Variants in DUOX1 observed in about 807,000 individuals in gnomAD.
DUOX1 encodes the protein NADPH thyroid oxidase 1.
In DUOX1, 134 loss-of-function variants were observed where a neutral mutation model predicts 181.8. The ratio of observed to expected loss-of-function variants is 0.74; its 90% confidence interval spans 0.64 to 0.85. The LOEUF (loss-of-function observed/expected upper bound fraction) is 0.85, where lower values mean the gene tolerates loss of function less well. Among genes scored for constraint, DUOX1 ranks in the 40% least tolerant of loss-of-function variants. The probability of loss-of-function intolerance (pLI) is 0.00; values close to 1 mark genes in which losing one functional copy is unlikely to be tolerated. For missense variants in DUOX1, 1,814 were observed against 2,064.4 expected (o/e 0.88, Z 2.35); for synonymous variants, 798 against 832.5 (o/e 0.96, Z 0.71).
intron 15 of DUOX1, 103 bp downstream of exon 15, chr15:45,142,215 A>G: frequency 7.5e-7 from 1 of 1,331,624 alleles, no homozygotes; most frequent in Non-Finnish European, 1.0e-6. Flanking sequence ...CACACAGAGC[A>G]TGGTCCCTTT....
rs754996307 is a variant in DUOX1 at position 45,145,105 on chromosome 15, C to G, written c.2322+25C>G. 1.5e-5 allele frequency: 24 copies of G among 1,556,372 alleles called. No individual in the cohort carries two copies. The Admixed American group carries it at 1.5e-4, about 10-fold the overall frequency. ...GGTGTGTACATGGGACCAGATCAAT[C>G]CTTATGCTGTGGTGGTGTCCTTACC... On this transcript the variant is annotated intron_variant, in intron 18 of 33. Coordinates refer to ENST00000389037, the MANE Select transcript of DUOX1 (RefSeq NM_175940.3).
chr15:45,138,105 T>TGTGTGA (rs951558415), intron 10 of DUOX1, 91 bp downstream of exon 10: 11 of 1,023,638 alleles, frequency 1.1e-5, no homozygotes, highest in South Asian at 4.3e-5. Flanking sequence ...TGTGTGTGTG[T>TGTGTGA]GAGTGCATGG....
intron 14 of DUOX1, 98 bp from the exon 15 acceptor site, chr15:45,141,877 T>C (rs1333720487): frequency 1.4e-6 from 2 of 1,400,084 alleles, no homozygotes; most frequent in African/African-American, 1.4e-5. Flanking sequence ...CTACCCAGAG[T>C]GCCCCCACCC....
At chr15:45,148,112 T>C (rs1355026476) in intron 20 of DUOX1, 115 bp downstream of exon 20, 6 of 1,426,092 alleles carry the variant, frequency 4.2e-6, no homozygotes, top group East Asian at 4.6e-5. Context: ...TCCTTACCCA[T>C]GTAACCAGAG....
At chr15:45,152,233 G>A in intron 24 of DUOX1, 53 bp from the exon 25 acceptor site, 2 of 1,544,760 alleles carry the variant, frequency 1.3e-6, no homozygotes, top group Non-Finnish European at 1.8e-6. Flanking sequence ...CCCCTAACCA[G>A]CTCTCTGTCC....
Position 45,144,990 on chromosome 15 carries a change from G to A in DUOX1, c.2232G>A (p.Glu744=), listed in dbSNP as rs780786500. Residue 744 remains glutamate, a synonymous_variant, in exon 18 of 34, where the codon GAG becomes GAA. Transcript: ENST00000389037. The stretch of plus-strand genomic sequence containing the variant: ...GCGGGTTGAGCATCCAGGAGTGGGA[G>A]CTGCGGGAGCAGGAGCTGATGAGAG... ...KESGLSIQEW[E]LREQELMRAA... is the part of the protein sequence containing the mutation. The A allele has an allele frequency of 1.4e-5, 22 of 1,614,046 alleles. No homozygotes were observed. The highest frequency in any genetic ancestry group is 1.9e-5 in the Non-Finnish European group (22 of 1,180,022).
intron 1 of DUOX1, among the ~76,000 whole-genome samples, chr15:45,130,561 C>G (rs1308575998): frequency 6.6e-6 from 1 of 152,236 alleles, no homozygotes; most frequent in Non-Finnish European, 1.5e-5. Flanking sequence ...TGTGTTCTCT[C>G]TCTGGTTCTG....
rs1466381281 is a variant in DUOX1, at chr15:45,147,607, G to A, written c.2497G>A (p.Gly833Ser). The stretch of plus-strand genomic sequence containing the variant: ...CTCTCTGGCTGACAAGGATGGCAAT[G>A]GCTACCTGTCCTTCCGAGAGTTCCT... Reference protein sequence around the residue: ...MFSLADKDGNGYLSFREFLDI... With the variant: ...MFSLADKDGNSYLSFREFLDI... Residue 833 changes from glycine to serine, a missense_variant, in exon 19 of 34, where the codon GGC becomes AGC. Physicochemically the swap from Gly to Ser is moderately conservative, Grantham distance 56. Transcript: ENST00000389037. 6.2e-7 allele frequency: 1 copy of A among 1,614,082 alleles called. No individual in the cohort carries two copies. The highest frequency in any genetic ancestry group is 2.2e-5 in the East Asian group (1 of 44,894).
intron 9 of DUOX1, 111 bp downstream of exon 9, chr15:45,136,736 A>C: frequency 1.0e-6 from 1 of 976,930 alleles, no homozygotes; most frequent in African/African-American, 1.6e-5. Context: ...AGTGTCCCCA[A>C]GGGAAAGACC....
Position 45,163,870 on chromosome 15 carries a change from T to TC in DUOX1, c.4491dup (p.Phe1498LeufsTer2). 6.2e-7 allele frequency: 1 copy of TC among 1,613,868 alleles called. No individual in the cohort carries two copies. Among genetic ancestry groups the TC allele is most frequent in the Non-Finnish European group, 8.5e-7 (1 of 1,179,948 alleles). Reference sequence around the variant, plus strand: ...TGCGCTCCATCACCCACTTTGGCCGTCCCCCCTTTGAGCCCTTCTTCAACT... The same window carrying TC: ...TGCGCTCCATCACCCACTTTGGCCGTCCCCCCCTTTGAGCCCTTCTTCAACT... On this transcript the variant is annotated frameshift_variant, in exon 33 of 34. Coordinates refer to ENST00000389037, the MANE Select transcript of DUOX1 (RefSeq NM_175940.3). LOFTEE classifies it high-confidence loss of function.
In DUOX1 at chr15:45,141,416, T is replaced by A. The variant is rs755465916; in HGVS notation, c.1684+6T>A. 6 of 1,613,970 alleles carry A rather than the reference T, an allele frequency of 3.7e-6. No homozygotes were observed. The highest frequency in any genetic ancestry group is 8.5e-7 in the Non-Finnish European group (1 of 1,179,970). On this transcript the variant is annotated splice_donor_region_variant and intron_variant, in intron 14 of 33. Coordinates refer to ENST00000389037, the MANE Select transcript of DUOX1 (RefSeq NM_175940.3). ...TGTCTTTGTCTGGCATAAAGGTGAG[T>A]GGCCAAGGGGTGGCTGGAGGAGTGG...
chr15:45,147,523 G>A lies in DUOX1; in HGVS notation c.2413G>A (p.Ala805Thr). ...REALTCELSR[A>T]EFAESLGLKP... ...GGCCCTGACCTGTGAGCTGAGCAGG[G>A]CCGAGTTTGCCGAGTCCCTGGGCCT... is the stretch of plus-strand genomic sequence containing the variant. The change falls in exon 19 of 34, where the codon GCC becomes ACC. Residue 805 changes from alanine to threonine, a missense_variant. By Grantham distance (58) the Ala-to-Thr change is moderately conservative. Around this residue, in one of 5 missense-constraint regions of DUOX1, gnomAD observed 1,064 missense variants for 1,152.9 expected, o/e 0.92. Coordinates refer to ENST00000389037, the MANE Select transcript of DUOX1 (RefSeq NM_175940.3). 1.2e-6 allele frequency: 2 copies of A among 1,614,048 alleles called. No individual in the cohort carries two copies. The highest frequency in any genetic ancestry group is 1.7e-6 in the Non-Finnish European group (2 of 1,179,974).
In DUOX1 at chr15:45,164,921, G is replaced by C; in HGVS notation, c.*20G>C. 1 of 1,613,402 alleles carries C rather than the reference G, an allele frequency of 6.2e-7. No individual in the cohort carries two copies. Among genetic ancestry groups the C allele is most frequent in the East Asian group, 2.2e-5 (1 of 44,862 alleles). The stretch of plus-strand genomic sequence containing the variant: ...TTCTAGGCCCCTGCCCGGGGGTTCT[G>C]CCCACTGCCCAGTTGAGCAGAGGTT... On this transcript the variant is annotated 3_prime_UTR_variant, in exon 34 of 34. Transcript: ENST00000389037.
intron 28 of DUOX1, among the ~76,000 whole-genome samples, chr15:45,159,802 C>A (rs1351907141): frequency 6.6e-6 from 1 of 152,166 alleles, no homozygotes; most frequent in African/African-American, 2.4e-5. Flanking sequence ...GGCAAACAGT[C>A]CCTACCCCTT....
At position 45,164,868 on chromosome 15, in the gene DUOX1, G is replaced by T; in HGVS notation, c.4623G>T (p.Arg1541=). 6.2e-7 allele frequency: 1 copy of T among 1,614,178 alleles called. No individual in the cohort carries two copies. Among genetic ancestry groups the T allele is most frequent in the Non-Finnish European group, 8.5e-7 (1 of 1,180,006 alleles). Residue 1541 remains arginine (R), a synonymous_variant, in exon 34 of 34, where the codon CGG becomes CGT. Coordinates refer to ENST00000389037, the MANE Select transcript of DUOX1 (RefSeq NM_175940.3). ...KACQLINRQD[R]THFSHHYENF ...GTCAGCTCATCAACAGGCAGGACCG[G>T]ACTCACTTCTCCCACCATTATGAGA...
chr15:45,144,679 G>A (rs1023339961), intron 17 of DUOX1, among the ~76,000 whole-genome samples: 2 of 152,228 alleles, frequency 1.3e-5, no homozygotes, highest in African/African-American at 4.8e-5. Context: ...ATGGAATAGA[G>A]GGAAGAATGT....
intron 9 of DUOX1, among the ~76,000 whole-genome samples, chr15:45,136,853 C>CT (rs371348690): frequency 4.6e-5 from 7 of 151,768 alleles, no homozygotes; most frequent in African/African-American, 1.7e-4. Flanking sequence ...CCCTCCCCCC[C>CT]ACCATTAAAT....
Position 45,163,556 on chromosome 15 carries a change from A to G in DUOX1, c.4273A>G (p.Thr1425Ala), listed in dbSNP as rs1465709017. 1 of 1,614,124 alleles carries G rather than the reference A, an allele frequency of 6.2e-7. No individual in the cohort carries two copies. Among genetic ancestry groups the G allele is most frequent in the East Asian group, 2.2e-5 (1 of 44,872 alleles). The change falls in exon 32 of 34, where the codon ACC (threonine) becomes GCC (alanine). Residue 1425 changes from threonine to alanine, a missense_variant. Coordinates refer to ENST00000389037, the MANE Select transcript of DUOX1 (RefSeq NM_175940.3). ...KKIYFIWVTRTQRQFEWLADI... is the reference protein window; with the variant it reads ...KKIYFIWVTRAQRQFEWLADI... The stretch of plus-strand genomic sequence containing the variant: ...GATCTACTTCATCTGGGTGACGCGG[A>G]CCCAGCGTCAGTTTGAGTGGCTGGC...
At position 45,146,662 on chromosome 15, in the gene DUOX1, T is replaced by C. The variant is rs75476720; in HGVS notation, c.2323-771T>C. ...GCAAGCAGGTGACAGAGTTGGGACATGAACCCAGGTCTCTTGCCTCCAGCC... is the reference window on the plus strand; with the variant it reads ...GCAAGCAGGTGACAGAGTTGGGACACGAACCCAGGTCTCTTGCCTCCAGCC... On this transcript the variant is annotated intron_variant, in intron 18 of 33. Transcript: ENST00000389037. Among the ~76,000 whole-genome samples, 621 of 152,342 alleles carry C rather than the reference T, an allele frequency of 4.1e-3. 23 individuals are homozygous for C. In the East Asian group the frequency reaches 0.098, roughly 24 times the overall value.
Sources: allele counts gnomAD v4.1 joint callset (sites outside exome capture counted in the v4.1 genomes callset), GRCh38; gene constraint gnomAD v4.1.1; regional missense constraint gnomAD v4.1.1; transcripts MANE v1.5; gene names NCBI Gene and HGNC (gene_info 2026-07-23, HGNC 2026-07-21).